The following SFSWAP variants were observed in gnomAD, a reference collection of about 807,000 sequenced individuals.
SFSWAP encodes the protein splicing factor, suppressor of white-apricot homolog.
In SFSWAP, 17 loss-of-function variants were observed where a neutral mutation model predicts 100.7. The observed-to-expected ratio is 0.17, with a 90% CI of 0.12 to 0.25. The LOEUF (loss-of-function observed/expected upper bound fraction) is 0.25, where lower values mean the gene tolerates loss of function less well. SFSWAP is among the 10% of genes least tolerant of loss of function. The pLI, the probability that SFSWAP is intolerant of heterozygous loss-of-function variation, is 1.00. For synonymous variants in SFSWAP, 504 were observed against 510.1 expected (o/e 0.99, Z 0.16); for missense variants, 1,005 against 1,262.6 (o/e 0.80, Z 3.09).
At chr12:131,716,636 A>T (rs560312299) in intron 3 of SFSWAP, among the ~76,000 whole-genome samples, 1 of 152,380 alleles carries the variant, frequency 6.6e-6, no homozygotes, top group African/African-American at 2.4e-5. Context: ...GAAAGAAAAT[A>T]ACAAAGTTTT....
intron 15 of SFSWAP, chr12:131,796,778 C>T (rs189454477): frequency 5.9e-4 from 99 of 168,396 alleles, no homozygotes; most frequent in African/African-American, 2.3e-3. Context: ...GAGACCTTGT[C>T]TGTTTTTTCA....
intron 7 of SFSWAP, 54 bp from the exon 8 acceptor site, chr12:131,753,069 C>T: frequency 6.2e-7 from 1 of 1,602,824 alleles, no homozygotes; most frequent in South Asian, 1.1e-5. Context: ...ATTGTGGACT[C>T]ATGGACCAGC....
At chr12:131,786,791 G>A (rs936197186) in intron 15 of SFSWAP, among the ~76,000 whole-genome samples, 3 of 152,148 alleles carry the variant, frequency 2.0e-5, no homozygotes, top group African/African-American at 7.2e-5. Context: ...CTGGTGGGCG[G>A]GGGTCACTTA....
chr12:131,786,718 AC>A (rs950680991), intron 15 of SFSWAP, 130 bp downstream of exon 15: 56 of 866,348 alleles, frequency 6.5e-5, no homozygotes, highest in Non-Finnish European at 8.6e-5. Context: ...GTCCCCCACC[AC>A]CCCCCCACCC....
chr12:131,744,056 G>A (rs1880899918), intron 7 of SFSWAP, among the ~76,000 whole-genome samples: 1 of 152,212 alleles, frequency 6.6e-6, no homozygotes, highest in Admixed American at 6.5e-5. Context: ...AGGGACCCTG[G>A]GCCCAGACCA....
chr12:131,711,145 T>C lies in SFSWAP; in HGVS notation c.-85T>C. On this transcript the variant is annotated 5_prime_UTR_variant, in exon 1 of 18. Transcript: ENST00000261674. This position sits in a 1 kb window ranked among gnomAD's most constrained non-coding sequence, Gnocchi z 4.9. ...AGGTTGGGTACGGGATGCGGGGTCT[T>C]TGACTGAAGGGGTAGGCCAAGTGGA... 1.7e-6 allele frequency: 2 copies of C among 1,151,090 alleles called. No individual in the cohort carries two copies. Among genetic ancestry groups the C allele is most frequent in the Non-Finnish European group, 2.4e-6 (2 of 832,480 alleles). The allele number at this position is 1,151,090 out of a possible 1,614,324, so 71.3% of individuals were successfully genotyped here.
chr12:131,773,096 G>A (rs947561273), intron 13 of SFSWAP, among the ~76,000 whole-genome samples: 13 of 152,238 alleles, frequency 8.5e-5, no homozygotes, highest in African/African-American at 3.1e-4. Context: ...AGGCCAAAAG[G>A]CAACATTCAG....
At chr12:131,747,434 T>A (rs987990373) in intron 7 of SFSWAP, among the ~76,000 whole-genome samples, 12 of 152,120 alleles carry the variant, frequency 7.9e-5, no homozygotes, top group Non-Finnish European at 1.2e-4. Flanking sequence ...GGATGGGGGA[T>A]GGGACAGCAA....
At chr12:131,760,767 A>G (rs901720293) in intron 11 of SFSWAP, among the ~76,000 whole-genome samples, 4 of 152,192 alleles carry the variant, frequency 2.6e-5, no homozygotes, top group African/African-American at 9.6e-5. Context: ...AAACCTGTCT[A>G]CACAGTAAAG....
intron 8 of SFSWAP, among the ~76,000 whole-genome samples, chr12:131,753,871 G>A (rs1371662516): frequency 6.6e-6 from 1 of 152,172 alleles, no homozygotes; most frequent in African/African-American, 2.4e-5. Flanking sequence ...CCAGTGTTCA[G>A]GGGACGAGTA....
chr12:131,783,438 G>T (rs1217631468), intron 14 of SFSWAP: 1 of 152,084 alleles, frequency 6.6e-6, no homozygotes, highest in Non-Finnish European at 1.5e-5. Flanking sequence ...GGGAGTTCTA[G>T]ATAGATCTTT....
At position 131,736,476 on chromosome 12, in the gene SFSWAP, T is replaced by G. The variant is rs758424923; in HGVS notation, c.1081+8048T>G. ...CAAATAGGAAAAAATTCTGATAGTC[T>G]AGTAGAAAAAAGATCTGCAGTGCGA... On this transcript the variant is annotated intron_variant, in intron 7 of 17. Transcript: ENST00000261674. Among the ~76,000 whole-genome samples the G allele has an allele frequency of 3.9e-5, 6 of 152,192 alleles. No individual in the cohort carries two copies. In the South Asian group the frequency reaches 1.2e-3, roughly 31 times the overall value.
At chr12:131,786,236 C>T (rs867260706) in intron 14 of SFSWAP, among the ~76,000 whole-genome samples, 9 of 152,260 alleles carry the variant, frequency 5.9e-5, no homozygotes, top group Middle Eastern at 3.4e-3. Flanking sequence ...GTGTGTGGAA[C>T]GGGAGAGAGA....
At position 131,711,348 on chromosome 12, in the gene SFSWAP, A is replaced by G; in HGVS notation, c.119A>G (p.Tyr40Cys). 6.2e-7 allele frequency: 1 copy of G among 1,614,004 alleles called. No homozygotes were observed. Among genetic ancestry groups the G allele is most frequent in the Non-Finnish European group, 8.5e-7 (1 of 1,180,034 alleles). The change falls in exon 1 of 18, where the codon TAT (tyrosine) becomes TGT (cysteine). Residue 40 changes from tyrosine to cysteine, a missense_variant. Transcript: ENST00000261674. The surrounding 1 kb of genome is among the most constrained non-coding windows in gnomAD (Gnocchi z 4.9). ...GSRVELLVFG[Y>C]ACKLFRDDER... ...CGAGTGGAGCTCTTGGTTTTCGGCT[A>G]TGCCTGCAAGCTGTTCCGGGACGAC... is the stretch of plus-strand genomic sequence containing the variant.
chr12:131,731,901 C>CCTT (rs1555241932), intron 7 of SFSWAP, among the ~76,000 whole-genome samples: 1 of 55,304 alleles, frequency 1.8e-5, no homozygotes, highest in Non-Finnish European at 3.3e-5. Flanking sequence ...TACTATTTTA[C>CCTT]TTTTTTTTTT....
rs533512213 is a variant in SFSWAP at position 131,769,177 on chromosome 12, C to T, written c.2142+2869C>T. ...AATAAGGGGATGAAATACACAACAACAAAAATGATCATGAGGACGCTTGTA... is the reference window on the plus strand; with the variant it reads ...AATAAGGGGATGAAATACACAACAATAAAAATGATCATGAGGACGCTTGTA... On this transcript the variant is annotated intron_variant, in intron 13 of 17. Coordinates refer to ENST00000261674, the MANE Select transcript of SFSWAP (RefSeq NM_004592.4). Among the ~76,000 whole-genome samples the T allele has an allele frequency of 1.4e-3, 204 of 150,990 alleles. 1 individual carries two copies. The highest frequency in any genetic ancestry group is 4.7e-3 in the African/African-American group (194 of 41,256).
rs1880719289 is a variant in SFSWAP, at chr12:131,742,323, G to C, written c.1082-10800G>C. Among the ~76,000 whole-genome samples, 2 of 152,138 alleles carry C rather than the reference G, an allele frequency of 1.3e-5. 1 individual carries two copies. Among genetic ancestry groups the C allele is most frequent in the African/African-American group, 4.8e-5 (2 of 41,440 alleles). ...CTCTCTGGAACCTATTTTTATGTAA[G>C]AAGTCTTCAAAACCTCAGTACAGCA... On this transcript the variant is annotated intron_variant, in intron 7 of 17. Transcript: ENST00000261674.
At chr12:131,766,055 A>G in intron 12 of SFSWAP, 63 bp from the exon 13 acceptor site, 1 of 1,509,702 alleles carries the variant, frequency 6.6e-7, no homozygotes. Flanking sequence ...ACCTGTGAAA[A>G]TTAAGATCAG....
chr12:131,779,262 A>AGC (rs1884297203), intron 14 of SFSWAP, among the ~76,000 whole-genome samples: 153 of 148,130 alleles, frequency 1.0e-3, no homozygotes, highest in African/African-American at 1.5e-3. Flanking sequence ...GGCGCGGGTG[A>AGC]GTGTGTGTGA....
Sources: allele counts gnomAD v4.1 joint callset (sites outside exome capture counted in the v4.1 genomes callset), GRCh38; gene constraint gnomAD v4.1.1; non-coding constraint Gnocchi (gnomAD v3.1); transcripts MANE v1.5; gene names NCBI Gene and HGNC (gene_info 2026-07-23, HGNC 2026-07-21).